FAM210A: variants seen among roughly 807,000 people sequenced by gnomAD.
FAM210A encodes mitochondrial inner membrane scaffold 1, also known as family with sequence similarity 210 member A.
Under a neutral mutation model 25.3 loss-of-function variants are expected in FAM210A, and 13 were observed. The observed-to-expected ratio is 0.51, with a 90% CI of 0.33 to 0.82. The LOEUF (loss-of-function observed/expected upper bound fraction) is 0.82, where lower values mean the gene tolerates loss of function less well. Ranked by LOEUF, FAM210A falls within the 40% of genes least tolerant of loss-of-function variation. The pLI is 0.02. For missense variants in FAM210A, 319 were observed against 323.2 expected (o/e 0.99, Z 0.10); for synonymous variants, 125 against 118.7 (o/e 1.05, Z -0.35).
chr18:13,720,576 A>T (rs1168795997), intron 1 of FAM210A, among the ~76,000 whole-genome samples: 6 of 152,174 alleles, frequency 3.9e-5, no homozygotes, highest in Non-Finnish European at 8.8e-5. Context: ...CTGACATGCA[A>T]ATGTCATACC....
chr18:13,701,602 A>G (rs1274788222), intron 1 of FAM210A, among the ~76,000 whole-genome samples: 3 of 152,216 alleles, frequency 2.0e-5, no homozygotes, highest in Non-Finnish European at 4.4e-5. Flanking sequence ...AGGATCCTCA[A>G]TTTCTGGAAA....
At chr18:13,699,664 G>C (rs901546472) in intron 1 of FAM210A, among the ~76,000 whole-genome samples, 5 of 152,146 alleles carry the variant, frequency 3.3e-5, no homozygotes, top group African/African-American at 1.2e-4. Flanking sequence ...AAGAATGGAG[G>C]CTTTGCCATC....
Position 13,666,416 on chromosome 18 carries a change from T to C in FAM210A, c.*64A>G. On this transcript the variant is annotated 3_prime_UTR_variant, in exon 4 of 4. Transcript: ENST00000651643. ...CCAAAAAAATAATCAGACACATGTATCTTTGCCCATAGTTTCCAAAGGGTT... is the reference window on the plus strand; with the variant it reads ...CCAAAAAAATAATCAGACACATGTACCTTTGCCCATAGTTTCCAAAGGGTT... 1 of 1,309,662 alleles carries C rather than the reference T, an allele frequency of 7.6e-7. No individual in the cohort carries two copies. The highest frequency in any genetic ancestry group is 1.1e-6 in the Non-Finnish European group (1 of 932,322). 81.1% of individuals were successfully genotyped at this position (1,309,662 alleles called of 1,614,324 possible). A position where few individuals can be genotyped will look rare whatever the true frequency, so the allele number is the denominator to read the frequency against.
rs1256798634 is a variant in FAM210A at position 13,673,916 on chromosome 18, T to G, written c.474-1943A>C. On this transcript the variant is annotated intron_variant, in intron 2 of 3. Coordinates refer to ENST00000651643, the MANE Select transcript of FAM210A (RefSeq NM_152352.4). ...TAACATTCCTGAGCCCTGGCTTCTT[T>G]ATTTCCAGTTTCCTGATTATTAACA... Among the ~76,000 whole-genome samples the G allele has an allele frequency of 6.7e-5, 4 of 59,314 alleles. 1 individual carries two copies. The highest frequency in any genetic ancestry group is 2.5e-4 in the African/African-American group (4 of 16,004). The allele number at this position is 59,314 out of a possible 152,430, so 38.9% of individuals were successfully genotyped here.
intron 1 of FAM210A, among the ~76,000 whole-genome samples, chr18:13,718,450 T>C (rs906068295): frequency 6.6e-6 from 1 of 152,114 alleles, no homozygotes; most frequent in African/African-American, 2.4e-5. Flanking sequence ...GTATCATCCT[T>C]TATGTTTACA....
At chr18:13,702,900 G>A (rs1032426173) in intron 1 of FAM210A, among the ~76,000 whole-genome samples, 1 of 152,120 alleles carries the variant, frequency 6.6e-6, no homozygotes, top group Admixed American at 6.5e-5. Context: ...AACAATATCA[G>A]CCATTTGGCC....
chr18:13,726,092 C>G (rs549564460), intron 1 of FAM210A, among the ~76,000 whole-genome samples: 47 of 152,334 alleles, frequency 3.1e-4, no homozygotes, highest in African/African-American at 1.1e-3. Flanking sequence ...GCAAGATTTG[C>G]CAGGACACTG....
chr18:13,692,842 G>C (rs977588848), intron 1 of FAM210A, among the ~76,000 whole-genome samples: 1 of 152,002 alleles, frequency 6.6e-6, no homozygotes, highest in Non-Finnish European at 1.5e-5. Flanking sequence ...AAGAACTAGA[G>C]AAGCAAGAGC....
chr18:13,700,757 T>C (rs537104172), intron 1 of FAM210A, among the ~76,000 whole-genome samples: 1 of 152,340 alleles, frequency 6.6e-6, no homozygotes, highest in South Asian at 2.1e-4. Context: ...TAACCTAGCT[T>C]AAGAGGCAGA....
intron 2 of FAM210A, among the ~76,000 whole-genome samples, chr18:13,675,064 C>T (rs1246220971): frequency 2.6e-5 from 1 of 38,850 alleles, no homozygotes; most frequent in African/African-American, 9.7e-5. Flanking sequence ...ATTAACATTC[C>T]TGAGCCCCAA....
At chr18:13,704,926 A>T (rs1018843589) in intron 1 of FAM210A, among the ~76,000 whole-genome samples, 1 of 152,200 alleles carries the variant, frequency 6.6e-6, no homozygotes, top group Non-Finnish European at 1.5e-5. Context: ...TAAAAACTTC[A>T]TAAGCATGTA....
chr18:13,724,872 T>G (rs929611318), intron 1 of FAM210A, among the ~76,000 whole-genome samples: 2 of 152,056 alleles, frequency 1.3e-5, no homozygotes, highest in Non-Finnish European at 2.9e-5. Flanking sequence ...CTTCCGGGTT[T>G]AAGCGATTCT....
At chr18:13,686,683 C>T (rs1031978579) in intron 1 of FAM210A, among the ~76,000 whole-genome samples, 4 of 152,046 alleles carry the variant, frequency 2.6e-5, no homozygotes, top group Non-Finnish European at 4.4e-5. Context: ...GGACCAAGTC[C>T]TCAAAAAGAC....
At chr18:13,667,582 G>C (rs2043410678) in intron 3 of FAM210A, among the ~76,000 whole-genome samples, 1 of 152,100 alleles carries the variant, frequency 6.6e-6, no homozygotes, top group African/African-American at 2.4e-5. Context: ...AGCCGGGCGT[G>C]GTGGCAGGCA....
At chr18:13,705,670 C>T (rs897576073) in intron 1 of FAM210A, among the ~76,000 whole-genome samples, 1 of 152,130 alleles carries the variant, frequency 6.6e-6, no homozygotes, top group African/African-American at 2.4e-5. Flanking sequence ...CAGGGTTTCA[C>T]CATGTTGGCC....
chr18:13,710,687 T>C (rs920738168), intron 1 of FAM210A, among the ~76,000 whole-genome samples: 4 of 152,180 alleles, frequency 2.6e-5, no homozygotes, highest in Admixed American at 2.0e-4. Flanking sequence ...CCAGTCCTAC[T>C]GCCCCCATCC....
At chr18:13,671,642 T>C (rs963547672) in intron 3 of FAM210A, among the ~76,000 whole-genome samples, 1 of 145,982 alleles carries the variant, frequency 6.9e-6, no homozygotes, top group Non-Finnish European at 1.5e-5. Context: ...TGAGCCGAGA[T>C]GGCATCACTG....
At chr18:13,722,847 T>C (rs12960839) in intron 1 of FAM210A, among the ~76,000 whole-genome samples, 38,108 of 122,112 alleles carry the variant, frequency 0.31, 5,559 homozygotes, top group Non-Finnish European at 0.41. Flanking sequence ...TTTCTTTCCT[T>C]TCTTTTTTTT....
intron 1 of FAM210A, among the ~76,000 whole-genome samples, chr18:13,707,358 A>C (rs140155964): frequency 2.4e-3 from 360 of 152,328 alleles, no homozygotes; most frequent in Middle Eastern, 0.01. Context: ...AATCTGACAT[A>C]ATCAAACTAA....
Sources: gnomAD v4.1 joint callset for allele counts (sites outside exome capture counted in the v4.1 genomes callset) on GRCh38, gnomAD v4.1.1 for gene constraint, MANE v1.5 for transcripts, NCBI Gene and HGNC (gene_info 2026-07-23, HGNC 2026-07-21) for gene names.